The following LY75 variants were observed in gnomAD, a reference collection of about 807,000 sequenced individuals.
The protein encoded by LY75 is lymphocyte antigen 75, also known as C-type lectin domain family 13 member B.
A neutral mutation model predicts 231.7 loss-of-function variants in LY75; 185 were observed. That is an observed-to-expected ratio of 0.80 (90% CI 0.71 to 0.90). The LOEUF (loss-of-function observed/expected upper bound fraction) is 0.90, where lower values mean the gene tolerates loss of function less well. Ranked by LOEUF, LY75 falls within the 40% of genes least tolerant of loss-of-function variation. The probability of loss-of-function intolerance (pLI) is 0.00; values close to 1 mark genes in which losing one functional copy is unlikely to be tolerated. For missense variants in LY75, 1,947 were observed against 2,050.2 expected, an observed-to-expected ratio of 0.95 and a Z score of 0.97; for synonymous variants, 668 against 689.0, an observed-to-expected ratio of 0.97 and a Z score of 0.48.
intron 16 of LY75, among the ~76,000 whole-genome samples, 185 bp from the exon 17 acceptor site, chr2:159,855,124 C>T (rs1188022829): frequency 6.6e-6 from 1 of 152,190 alleles, no homozygotes; most frequent in Non-Finnish European, 1.5e-5. Flanking sequence ...AAACCTGCTT[C>T]AGGAGAAATC....
chr2:159,879,148 G>T, intron 9 of LY75, 111 bp downstream of exon 9: 1 of 1,208,312 alleles, frequency 8.3e-7, no homozygotes, highest in Non-Finnish European at 1.1e-6. Context: ...ATGAACAGAA[G>T]CTAGTAGTTT....
chr2:159,877,861 C>A (rs971732223), intron 11 of LY75, among the ~76,000 whole-genome samples: 6 of 151,910 alleles, frequency 3.9e-5, no homozygotes, highest in African/African-American at 1.5e-4. Flanking sequence ...AGAGTGAGAC[C>A]CCATCTCAAA....
intron 1 of LY75, chr2:159,903,175 A>C (rs1343201383): frequency 6.6e-6 from 1 of 152,232 alleles, no homozygotes; most frequent in African/African-American, 2.4e-5. Context: ...GGGGGAACAG[A>C]GTTAAACCTG....
At chr2:159,892,592 C>A (rs949294340) in intron 3 of LY75, among the ~76,000 whole-genome samples, 1 of 152,188 alleles carries the variant, frequency 6.6e-6, no homozygotes, top group Non-Finnish European at 1.5e-5. Context: ...AGGTCTGGAG[C>A]TCTTTCCTTT....
intron 4 of LY75, 89 bp from the exon 5 acceptor site, chr2:159,886,619 T>C: frequency 7.7e-7 from 1 of 1,302,586 alleles, no homozygotes; most frequent in South Asian, 1.6e-5. Flanking sequence ...CAAACAAATC[T>C]GCAGACCTTG....
At chr2:159,852,138 C>G (rs1476742282) in intron 21 of LY75, 63 bp downstream of exon 21, 1 of 1,585,274 alleles carries the variant, frequency 6.3e-7, no homozygotes, top group African/African-American at 1.3e-5. Context: ...GCCATTCTGC[C>G]ATAGGCTATA....
intron 25 of LY75, among the ~76,000 whole-genome samples, chr2:159,839,824 G>GGTGAAAC (rs1683947909): frequency 6.6e-6 from 1 of 151,844 alleles, no homozygotes; most frequent in African/African-American, 2.4e-5. Context: ...TTGCCAACAT[G>GGTGAAAC]GTGAAACCCC....
At chr2:159,815,843 T>A (rs1175845284) in intron 30 of LY75, among the ~76,000 whole-genome samples, 1 of 152,194 alleles carries the variant, frequency 6.6e-6, no homozygotes, top group Non-Finnish European at 1.5e-5. Flanking sequence ...AGGATGAGTT[T>A]ATGTGACACT....
chr2:159,824,363 G>C (rs891368956), intron 28 of LY75, among the ~76,000 whole-genome samples: 3 of 152,096 alleles, frequency 2.0e-5, no homozygotes, highest in Admixed American at 1.3e-4. Flanking sequence ...GATCAAAAGA[G>C]ACAAAGAAGG....
At chr2:159,810,398 A>C in intron 32 of LY75, 128 bp downstream of exon 32, 1 of 1,257,688 alleles carries the variant, frequency 8.0e-7, no homozygotes, top group Non-Finnish European at 1.1e-6. Context: ...ATTAGTTTAT[A>C]GCGCTATTAG....
intron 13 of LY75, among the ~76,000 whole-genome samples, chr2:159,866,508 G>C (rs1684862586): frequency 6.6e-6 from 1 of 152,122 alleles, no homozygotes; most frequent in African/African-American, 2.4e-5. Flanking sequence ...TATATCCAGT[G>C]GAGACAATTA....
At chr2:159,869,268 T>C (rs564104789) in intron 13 of LY75, among the ~76,000 whole-genome samples, 1 of 150,772 alleles carries the variant, frequency 6.6e-6, no homozygotes, top group South Asian at 2.1e-4. Flanking sequence ...CAGCATGTTG[T>C]GCACATGTAC....
chr2:159,893,941 G>T lies in LY75; in HGVS notation c.610C>A (p.Arg204=). The T allele has an allele frequency of 6.2e-7, 1 of 1,612,362 alleles. No individual in the cohort carries two copies. The change falls in exon 3 of 35, where the codon CGA becomes AGA. Residue 204 remains arginine, a synonymous_variant. Transcript: ENST00000263636. ...CATTLNYEYD[R]KWGICLKPEN... is the part of the protein sequence containing the mutation. ...GGCTTTAAGCAGATGCCCCACTTTC[G>T]GTCATATTCATAATTTAAGGTGGTG...
In LY75 at chr2:159,850,878, A is replaced by G. The variant is rs1405382265; in HGVS notation, c.2884-411T>C. Among the ~76,000 whole-genome samples the G allele has an allele frequency of 2.5e-4, 37 of 146,220 alleles. 2 individuals carry two copies. The highest frequency in any genetic ancestry group is 6.0e-5 in the Non-Finnish European group (4 of 67,072). On this transcript the variant is annotated intron_variant, in intron 21 of 34. Coordinates refer to ENST00000263636, the MANE Select transcript of LY75 (RefSeq NM_002349.4). ...ATATTATATCTTTATATATTTAAAG[A>G]TCTCTCATTTATTGAGTGCTTCCTA...
chr2:159,809,009 C>T (rs1197977037), intron 32 of LY75, among the ~76,000 whole-genome samples: 1 of 152,106 alleles, frequency 6.6e-6, no homozygotes, highest in African/African-American at 2.4e-5. Context: ...TCTGTTTTCT[C>T]CTTTAGGAGA....
At chr2:159,832,617 A>T (rs1227426464) in intron 27 of LY75, among the ~76,000 whole-genome samples, 3 of 152,202 alleles carry the variant, frequency 2.0e-5, no homozygotes, top group African/African-American at 7.2e-5. Context: ...CATGGATTTT[A>T]AAAAAAGTTT....
At chr2:159,844,515 A>G (rs1684140003) in intron 23 of LY75, among the ~76,000 whole-genome samples, 1 of 152,112 alleles carries the variant, frequency 6.6e-6, no homozygotes, top group Non-Finnish European at 1.5e-5. Context: ...GGTGGCTACT[A>G]CTGCTCCTGG....
At chr2:159,876,041 T>A (rs961799280) in intron 11 of LY75, among the ~76,000 whole-genome samples, 1 of 152,090 alleles carries the variant, frequency 6.6e-6, no homozygotes, top group East Asian at 1.9e-4. Context: ...CTTTGAGCAG[T>A]TTTTAAGAAA....
intron 15 of LY75, among the ~76,000 whole-genome samples, chr2:159,860,134 T>C (rs1684662417): frequency 6.6e-6 from 1 of 152,210 alleles, no homozygotes; most frequent in Non-Finnish European, 1.5e-5. Context: ...AATGGATACA[T>C]GAATGCATTC....
Sources: allele counts gnomAD v4.1 joint callset (sites outside exome capture counted in the v4.1 genomes callset), GRCh38; gene constraint gnomAD v4.1.1; transcripts MANE v1.5; gene names NCBI Gene and HGNC (gene_info 2026-07-23, HGNC 2026-07-21).